UNC5C: variants seen among roughly 807,000 people sequenced by gnomAD.
UNC5C encodes netrin receptor UNC5C.
A neutral mutation model predicts 99.8 loss-of-function variants in UNC5C; 47 were observed. The ratio of observed to expected loss-of-function variants is 0.47; its 90% CI spans 0.37 to 0.60. The LOEUF (loss-of-function observed/expected upper bound fraction) is 0.60. Ranked by LOEUF, UNC5C falls within the 20% of genes least tolerant of loss-of-function variation. The pLI, the probability that UNC5C is intolerant of heterozygous loss-of-function variation, is 0.00. For missense variants in UNC5C, 1,062 were observed against 1,165.9 expected, an observed-to-expected ratio of 0.91 and a Z score of 1.30; for synonymous variants, 487 against 452.2, an observed-to-expected ratio of 1.08 and a Z score of -0.98.
chr4:95,414,225 C>T (rs1746093138), intron 1 of UNC5C, among the ~76,000 whole-genome samples: 1 of 151,680 alleles, frequency 6.6e-6, no homozygotes, highest in Admixed American at 6.6e-5. Context: ...CTCCCCCCCA[C>T]AAAAAATAGG....
chr4:95,270,565 A>G (rs1193856768), intron 4 of UNC5C, among the ~76,000 whole-genome samples: 1 of 152,224 alleles, frequency 6.6e-6, no homozygotes, highest in African/African-American at 2.4e-5. Context: ...AATTGCACAT[A>G]TGTCTAGCTT....
intron 4 of UNC5C, among the ~76,000 whole-genome samples, chr4:95,255,752 G>T (rs1307033752): frequency 6.6e-6 from 1 of 152,030 alleles, no homozygotes; most frequent in Non-Finnish European, 1.5e-5. Flanking sequence ...CTGCAGATGT[G>T]CTGTTAGCTT....
intron 8 of UNC5C, among the ~76,000 whole-genome samples, chr4:95,219,667 T>C (rs1738393420): frequency 2.0e-5 from 3 of 152,126 alleles, no homozygotes; most frequent in Non-Finnish European, 4.4e-5. Flanking sequence ...AATCATTCTA[T>C]TCATAGCAAT....
intron 4 of UNC5C, among the ~76,000 whole-genome samples, chr4:95,259,784 A>G (rs1740151592): frequency 6.6e-6 from 1 of 152,214 alleles, no homozygotes; most frequent in Non-Finnish European, 1.5e-5. Context: ...AGAAATATTC[A>G]CTATCATACT....
intron 1 of UNC5C, among the ~76,000 whole-genome samples, chr4:95,479,104 G>A (rs531387145): frequency 2.0e-5 from 3 of 151,894 alleles, no homozygotes; most frequent in Admixed American, 6.6e-5. Context: ...CCCAGCCTCA[G>A]GTACTCCTTT....
intron 1 of UNC5C, among the ~76,000 whole-genome samples, chr4:95,411,202 T>A (rs1745977609): frequency 6.6e-6 from 1 of 152,182 alleles, no homozygotes; most frequent in African/African-American, 2.4e-5. Context: ...CATATCTAAC[T>A]TTAAGATATT....
chr4:95,356,218 CAAAAAA>C (rs796623348), intron 1 of UNC5C, among the ~76,000 whole-genome samples: 16 of 81,784 alleles, frequency 2.0e-4, no homozygotes, highest in African/African-American at 5.7e-4. Context: ...AAAAACAAAA[CAAAAAA>C]AAAACAGATT....
At chr4:95,378,233 A>T (rs143668035) in intron 1 of UNC5C, among the ~76,000 whole-genome samples, 1 of 152,332 alleles carries the variant, frequency 6.6e-6, no homozygotes, top group African/African-American at 2.4e-5. Flanking sequence ...TGAATTGGCC[A>T]CATCAAAAGT....
At chr4:95,407,557 G>A (rs1745864708) in intron 1 of UNC5C, among the ~76,000 whole-genome samples, 1 of 152,154 alleles carries the variant, frequency 6.6e-6, no homozygotes, top group African/African-American at 2.4e-5. Context: ...CATGATGTGT[G>A]TAGTTTTTCT....
intron 1 of UNC5C, among the ~76,000 whole-genome samples, chr4:95,348,301 T>A (rs1030885725): frequency 2.6e-5 from 4 of 151,870 alleles, no homozygotes; most frequent in African/African-American, 7.2e-5. Context: ...AGAACACTCA[T>A]ACACTGTTGG....
At chr4:95,313,527 G>C (rs1742349044) in intron 2 of UNC5C, among the ~76,000 whole-genome samples, 1 of 152,078 alleles carries the variant, frequency 6.6e-6, no homozygotes, top group Non-Finnish European at 1.5e-5. Context: ...TAAAAACACT[G>C]TCTGACAGTG....
chr4:95,316,587 A>G (rs1346729316), intron 2 of UNC5C, among the ~76,000 whole-genome samples: 1 of 152,156 alleles, frequency 6.6e-6, no homozygotes, highest in Non-Finnish European at 1.5e-5. Context: ...TACAAACAAG[A>G]CTTTTAGGTA....
intron 1 of UNC5C, among the ~76,000 whole-genome samples, chr4:95,456,650 C>A (rs1214316510): frequency 6.6e-6 from 1 of 151,918 alleles, no homozygotes. Flanking sequence ...AGGACGTAAC[C>A]AAAATTTGGA....
chr4:95,287,815 C>T (rs1037287715), intron 3 of UNC5C, among the ~76,000 whole-genome samples: 1 of 152,186 alleles, frequency 6.6e-6, no homozygotes, highest in Non-Finnish European at 1.5e-5. Context: ...CTTAGTTTTA[C>T]TTCAAAAAAC....
chr4:95,192,558 G>T (rs1737191607), intron 12 of UNC5C, among the ~76,000 whole-genome samples: 1 of 108,078 alleles, frequency 9.3e-6, no homozygotes, highest in African/African-American at 3.7e-5. Flanking sequence ...CGCCTCTTCT[G>T]CTTACCTCTT....
At chr4:95,250,434 C>T (rs542028350) in intron 5 of UNC5C, 53 bp downstream of exon 5, 70 of 1,556,354 alleles carry the variant, frequency 4.5e-5, no homozygotes, top group Middle Eastern at 3.5e-4. Context: ...CCGATGCCAA[C>T]GAGAAACTGC....
intron 4 of UNC5C, among the ~76,000 whole-genome samples, chr4:95,269,155 G>A (rs536012376): frequency 7.9e-5 from 12 of 152,282 alleles, no homozygotes; most frequent in Admixed American, 5.9e-4. Flanking sequence ...AAAAAATCTC[G>A]ATAACCTGGC....
rs192013535 is a variant in UNC5C at position 95,438,380 on chromosome 4, T to C, written c.125-102749A>G. On this transcript the variant is annotated intron_variant, in intron 1 of 15. Transcript: ENST00000453304. ...AATTCTGGTGGCTCTGGAGCCAAGATAACTTTCTGGGAACAGATATCCTCT... is the reference window on the plus strand; with the variant it reads ...AATTCTGGTGGCTCTGGAGCCAAGACAACTTTCTGGGAACAGATATCCTCT... Among the ~76,000 whole-genome samples the C allele has an allele frequency of 1.7e-3, 264 of 152,230 alleles. 1 individual carries two copies. Among genetic ancestry groups the C allele is most frequent in the Non-Finnish European group, 2.9e-3 (199 of 67,986 alleles).
chr4:95,180,978 GTTC>G (rs780762116), intron 14 of UNC5C, among the ~76,000 whole-genome samples: 1 of 152,088 alleles, frequency 6.6e-6, no homozygotes, highest in Non-Finnish European at 1.5e-5. Context: ...AGAGTCCATT[GTTC>G]TTCAGCGCAG....
Sources: allele counts gnomAD v4.1 joint callset (sites outside exome capture counted in the v4.1 genomes callset), GRCh38; gene constraint gnomAD v4.1.1; transcripts MANE v1.5; gene names NCBI Gene and HGNC (gene_info 2026-07-23, HGNC 2026-07-21).